PCDHGA6: variants seen among roughly 807,000 people sequenced by gnomAD.
PCDHGA6 encodes protocadherin gamma-A6.
In PCDHGA6, 41 loss-of-function variants were observed where a neutral mutation model predicts 60.6. The ratio of observed to expected loss-of-function variants is 0.68; its 90% CI spans 0.53 to 0.88. The LOEUF is 0.88. Ranked by LOEUF, PCDHGA6 falls within the 40% of genes least tolerant of loss-of-function variation. The probability of loss-of-function intolerance (pLI) is 0.00; values close to 1 mark genes in which losing one functional copy is unlikely to be tolerated. For missense variants in PCDHGA6, 1,312 were observed against 1,203.0 expected, an observed-to-expected ratio of 1.09 and a Z score of -1.34; for synonymous variants, 594 against 524.4, an observed-to-expected ratio of 1.13 and a Z score of -1.81.
intron 1 of PCDHGA6, chr5:141,403,717 G>T: frequency 6.2e-7 from 1 of 1,613,936 alleles, no homozygotes; most frequent in Non-Finnish European, 8.5e-7. Flanking sequence ...TTGAGAACGT[G>T]CCCCCAGGCA....
At chr5:141,389,240 G>A (rs903029281) in intron 1 of PCDHGA6, 4 of 1,613,902 alleles carry the variant, frequency 2.5e-6, no homozygotes, top group African/African-American at 1.3e-5. Context: ...TTTTCTCACA[G>A]TCTTCCTATA....
intron 1 of PCDHGA6, among the ~76,000 whole-genome samples, chr5:141,405,769 C>T (rs1363688527): frequency 2.6e-5 from 4 of 152,080 alleles, no homozygotes; most frequent in Non-Finnish European, 2.9e-5. Context: ...TGAGCCACTG[C>T]GCCTGGCCCT....
intron 1 of PCDHGA6, chr5:141,413,400 G>T: frequency 6.2e-7 from 1 of 1,614,060 alleles, no homozygotes. Context: ...CCAGAGGTAG[G>T]ACGCAGCTTT....
intron 3 of PCDHGA6, among the ~76,000 whole-genome samples, chr5:141,508,742 C>A (rs955179947): frequency 2.0e-5 from 3 of 151,998 alleles, no homozygotes; most frequent in Admixed American, 6.6e-5. Context: ...CCCCCCACCC[C>A]GCTCTTTCTC....
chr5:141,414,793 G>A lies in PCDHGA6; in HGVS notation c.2424+38286G>A, dbSNP rs756653393. On this transcript the variant is annotated intron_variant, in intron 1 of 3. Transcript: ENST00000517434. ...GCTACAGATGCAGGTGACAGCCAGCGACAGCGGGGATCCTCCACTCAGCAG... is the reference window on the plus strand; with the variant it reads ...GCTACAGATGCAGGTGACAGCCAGCAACAGCGGGGATCCTCCACTCAGCAG... 2.5e-6 allele frequency: 4 copies of A among 1,614,100 alleles called. No individual in the cohort carries two copies. The African/African-American group carries it at 4.0e-5, about 16-fold the overall frequency.
chr5:141,415,627 A>T, intron 1 of PCDHGA6: 1 of 1,598,406 alleles, frequency 6.3e-7, no homozygotes, highest in Non-Finnish European at 8.5e-7. Context: ...TTTTATTTTC[A>T]TTTTTACTTT....
intron 1 of PCDHGA6, chr5:141,414,679 G>T: frequency 6.2e-7 from 1 of 1,613,960 alleles, no homozygotes; most frequent in South Asian, 1.1e-5. Context: ...CACCATCCAG[G>T]GGGTACCTCT....
At chr5:141,509,069 G>T (rs1463164307) in intron 3 of PCDHGA6, among the ~76,000 whole-genome samples, 1 of 152,174 alleles carries the variant, frequency 6.6e-6, no homozygotes, top group Non-Finnish European at 1.5e-5. Flanking sequence ...CTCAGCTCCG[G>T]GGATTTGCGA....
At position 141,485,437 on chromosome 5, in the gene PCDHGA6, C is replaced by A. The variant is rs2099613420; in HGVS notation, c.2425-9370C>A. The A allele has an allele frequency of 6.2e-7, 1 of 1,614,174 alleles. No individual in the cohort carries two copies. Among genetic ancestry groups the A allele is most frequent in the Non-Finnish European group, 8.5e-7 (1 of 1,180,028 alleles). On this transcript the variant is annotated intron_variant, in intron 1 of 3. Transcript: ENST00000517434. The surrounding 1 kb of genome is among the most constrained non-coding windows in gnomAD (Gnocchi z 5.7). ...ACAGCGGAGCCCTGCTCATCAAGAA[C>A]CCAATCGACCGAGAGGCACTGTGTG...
At chr5:141,386,031 T>C (rs1010302626) in intron 1 of PCDHGA6, 2 of 152,232 alleles carry the variant, frequency 1.3e-5, no homozygotes, top group Non-Finnish European at 1.5e-5. Flanking sequence ...ATTTGTGACA[T>C]AGGCAATTAC....
At chr5:141,410,004 ACGCCTGGCTGTC>A in intron 1 of PCDHGA6, 1 of 1,613,154 alleles carries the variant, frequency 6.2e-7, no homozygotes, top group Non-Finnish European at 8.5e-7. Flanking sequence ...TCGGGACACA[ACGCCTGGCTGTC>A]CTACCACGTG....
chr5:141,447,123 TTTTG>T (rs1327676720), intron 1 of PCDHGA6, among the ~76,000 whole-genome samples: 7 of 152,278 alleles, frequency 4.6e-5, no homozygotes, highest in African/African-American at 1.4e-4. Context: ...CCATGGATTT[TTTTG>T]TTTGTTTGTT....
intron 1 of PCDHGA6, among the ~76,000 whole-genome samples, chr5:141,468,079 C>A (rs2099157359): frequency 6.6e-6 from 1 of 151,986 alleles, no homozygotes; most frequent in African/African-American, 2.4e-5. Context: ...AATCCCAGCA[C>A]TTTGGGAGGT....
chr5:141,429,751 A>AT (rs2097241304), intron 1 of PCDHGA6, among the ~76,000 whole-genome samples: 1 of 152,110 alleles, frequency 6.6e-6, no homozygotes, highest in African/African-American at 2.4e-5. Flanking sequence ...CTTAGGGAGA[A>AT]TTTTTTCCCT....
At chr5:141,448,662 C>T (rs1242351797) in intron 1 of PCDHGA6, among the ~76,000 whole-genome samples, 1 of 151,980 alleles carries the variant, frequency 6.6e-6, no homozygotes, top group Non-Finnish European at 1.5e-5. Flanking sequence ...CCATATTGGC[C>T]GGGCGCGGTG....
Position 141,431,303 on chromosome 5 carries a change from G to A in PCDHGA6, c.2424+54796G>A, listed in dbSNP as rs777784010. 2 of 1,613,942 alleles carry A rather than the reference G, an allele frequency of 1.2e-6. No homozygotes were observed. The highest frequency in any genetic ancestry group is 2.7e-5 in the African/African-American group (2 of 74,916). ...CCCGAACACTCACTTCTCCCTCATC[G>A]TGCAAAATGGAGCCGACGGTAGTAA... On this transcript the variant is annotated intron_variant, in intron 1 of 3. Transcript: ENST00000517434. The surrounding 1 kb of genome is among the most constrained non-coding windows in gnomAD (Gnocchi z 4.8).
chr5:141,384,321 G>A (rs6883770), intron 1 of PCDHGA6: 89,474 of 1,613,740 alleles, frequency 0.055, 2,962 homozygotes, highest in African/African-American at 0.14. Flanking sequence ...TTTTCTTAGT[G>A]ACTGCACAGG....
intron 1 of PCDHGA6, chr5:141,478,479 C>T (rs750055106): frequency 1.9e-6 from 3 of 1,613,550 alleles, no homozygotes; most frequent in Admixed American, 1.7e-5. Context: ...CGCCAGAACA[C>T]GCTGCGGAGC....
intron 1 of PCDHGA6, chr5:141,377,847 A>G (rs1774398188): frequency 6.6e-6 from 1 of 152,152 alleles, no homozygotes; most frequent in Non-Finnish European, 1.5e-5. Flanking sequence ...TCTTCCAATT[A>G]AAATTAAGAT....
Sources: allele counts gnomAD v4.1 joint callset (sites outside exome capture counted in the v4.1 genomes callset), GRCh38; gene constraint gnomAD v4.1.1; non-coding constraint Gnocchi (gnomAD v3.1); transcripts MANE v1.5; gene names NCBI Gene and HGNC (gene_info 2026-07-23, HGNC 2026-07-21).